Variants in MGAT4D observed in about 807,000 individuals in gnomAD.
The protein encoded by MGAT4D is MGAT4 family member D, also known as alpha-1,3-mannosyl-glycoprotein 4-beta-N-acetylglucosaminyltransferase-like protein MGAT4D.
MGAT4D carries 34 observed loss-of-function variants against 15.9 expected under a neutral mutation model. That is an observed-to-expected ratio of 2.14 (90% CI 1.62 to 2.84). MGAT4D has a LOEUF of 2.84. MGAT4D is among the 30% of genes most tolerant of loss of function. MGAT4D has a pLI of 0.00. For synonymous variants in MGAT4D, 112 were observed against 48.2 expected (o/e 2.33, Z -5.49); for missense variants, 327 against 140.2 (o/e 2.33, Z -6.73).
At chr4:140,474,661 T>C (rs1732194709) in intron 4 of MGAT4D, among the ~76,000 whole-genome samples, 152 bp downstream of exon 4, 1 of 152,240 alleles carries the variant, frequency 6.6e-6, no homozygotes, top group Non-Finnish European at 1.5e-5. Flanking sequence ...GTATTAAGTA[T>C]GTTGTCTGGT....
chr4:140,465,715 G>A (rs1731489561), intron 5 of MGAT4D, among the ~76,000 whole-genome samples: 1 of 152,142 alleles, frequency 6.6e-6, no homozygotes, highest in Non-Finnish European at 1.5e-5. Flanking sequence ...AAAGGTTCAA[G>A]GAAATGTTTA....
intron 1 of MGAT4D, among the ~76,000 whole-genome samples, chr4:140,495,130 T>G (rs1391984325): frequency 6.6e-6 from 1 of 152,226 alleles, no homozygotes; most frequent in Non-Finnish European, 1.5e-5. Flanking sequence ...ATTGGCCTCC[T>G]GGCTGTTTCT....
chr4:140,488,961 T>C (rs1171180957), intron 1 of MGAT4D, among the ~76,000 whole-genome samples: 1 of 152,158 alleles, frequency 6.6e-6, no homozygotes, highest in African/African-American at 2.4e-5. Context: ...AAGCCAAGCA[T>C]ATGTCAGCAC....
At chr4:140,462,107 C>G (rs1731227687) in intron 6 of MGAT4D, 103 bp from the exon 7 acceptor site, 1 of 559,160 alleles carries the variant, frequency 1.8e-6, no homozygotes, top group East Asian at 2.8e-5. Context: ...ACTAACAGTA[C>G]TAGCTACAAT....
chr4:140,474,275 C>G (rs890243543), intron 4 of MGAT4D, among the ~76,000 whole-genome samples: 1 of 152,096 alleles, frequency 6.6e-6, no homozygotes, highest in African/African-American at 2.4e-5. Flanking sequence ...AGATCTAGGT[C>G]CATTATCCCT....
intron 3 of MGAT4D, 21 bp downstream of exon 3, chr4:140,479,469 T>C: frequency 2.2e-6 from 1 of 456,488 alleles, no homozygotes; most frequent in Non-Finnish European, 3.9e-6. Flanking sequence ...TATTTAATTT[T>C]CCAATTCTAA....
intron 10 of MGAT4D, among the ~76,000 whole-genome samples, chr4:140,445,113 G>T (rs983464259): frequency 2.6e-4 from 40 of 152,036 alleles, no homozygotes; most frequent in Admixed American, 2.6e-4. Flanking sequence ...TCGAACTCCT[G>T]ACCTCAGGTG....
chr4:140,496,264 C>G (rs936615834), intron 1 of MGAT4D, among the ~76,000 whole-genome samples: 1 of 151,928 alleles, frequency 6.6e-6, no homozygotes, highest in Non-Finnish European at 1.5e-5. Context: ...GATTGATATC[C>G]TAATTATTTT....
intron 8 of MGAT4D, chr4:140,459,223 G>A (rs1310723533): frequency 5.9e-6 from 1 of 170,296 alleles, no homozygotes; most frequent in Non-Finnish European, 1.2e-5. Context: ...CAGCTAACAT[G>A]TGTGCCAGAC....
intron 5 of MGAT4D, among the ~76,000 whole-genome samples, chr4:140,470,714 T>G (rs6818155): frequency 0.086 from 13,038 of 152,230 alleles, 563 homozygotes; most frequent in South Asian, 0.11. Context: ...CCTGTCTGCC[T>G]GAAGAATGTC....
intron 9 of MGAT4D, among the ~76,000 whole-genome samples, chr4:140,452,823 G>A (rs1730556132): frequency 6.6e-6 from 1 of 151,910 alleles, no homozygotes; most frequent in Non-Finnish European, 1.5e-5. Context: ...ATTTCACCCA[G>A]CCCTAGGTCC....
At chr4:140,494,467 C>T (rs941558310) in intron 1 of MGAT4D, among the ~76,000 whole-genome samples, 3 of 152,186 alleles carry the variant, frequency 2.0e-5, no homozygotes, top group Admixed American at 1.3e-4. Flanking sequence ...TCCTTTTGTT[C>T]ACTCCCTAGG....
intron 7 of MGAT4D, among the ~76,000 whole-genome samples, chr4:140,461,662 G>T (rs1578658923): frequency 6.6e-6 from 1 of 151,926 alleles, no homozygotes; most frequent in South Asian, 2.1e-4. Context: ...GTTTGCTTCA[G>T]GTAACTATAA....
rs905341517 is a variant in MGAT4D at position 140,456,618 on chromosome 4, C to T, written c.979G>A (p.Val327Ile). The change falls in exon 9 of 11, where the codon GTA becomes ATA. Residue 327 changes from valine to isoleucine, a missense_variant. Coordinates refer to ENST00000511113, the MANE Select transcript of MGAT4D (RefSeq NM_001277353.2). ...IDWLLNDIFQ[V>I]KVCDAGEDLR... The stretch of plus-strand genomic sequence containing the variant: ...TCTTCTCCTGCGTCACACACCTTTA[C>T]CTGAAAAATGTCATTCAAGAGCCAG... 1.0e-5 allele frequency: 7 copies of T among 693,278 alleles called. No individual in the cohort carries two copies. The highest frequency in any genetic ancestry group is 2.3e-4 in the Middle Eastern group (1 of 4,352). 42.9% of individuals were successfully genotyped at this position (693,278 alleles called of 1,614,324 possible).
rs570216788 is a variant in MGAT4D, at chr4:140,496,833, G to A, written c.94+1296C>T. On this transcript the variant is annotated intron_variant, in intron 1 of 10. Coordinates refer to ENST00000511113, the MANE Select transcript of MGAT4D (RefSeq NM_001277353.2). ...CCTGGGCAACAAGAGTGAAAACTCT[G>A]TCTTAAAAAAAAAATTACTATAAAA... Among the ~76,000 whole-genome samples, 295 of 146,074 alleles carry A rather than the reference G, an allele frequency of 2.0e-3. 4 individuals carry two copies. Among genetic ancestry groups the A allele is most frequent in the Non-Finnish European group, 2.6e-3 (171 of 66,430 alleles).
intron 7 of MGAT4D, 52 bp downstream of exon 7, chr4:140,461,877 G>GTA (rs1195944013): frequency 3.0e-5 from 13 of 434,496 alleles, no homozygotes; most frequent in Non-Finnish European, 4.1e-5. Flanking sequence ...TATAATTGGT[G>GTA]TATACACACA....
intron 10 of MGAT4D, among the ~76,000 whole-genome samples, chr4:140,444,936 C>T (rs1560758714): frequency 6.6e-6 from 1 of 151,244 alleles, no homozygotes; most frequent in Non-Finnish European, 1.5e-5. Context: ...GGCTGGAGTG[C>T]AATGGTGCGA....
intron 10 of MGAT4D, among the ~76,000 whole-genome samples, chr4:140,449,041 A>G (rs1730301931): frequency 6.6e-6 from 1 of 152,268 alleles, no homozygotes; most frequent in Admixed American, 6.5e-5. Context: ...GTACATTTAA[A>G]TAATTGGCCC....
chr4:140,493,287 C>CTT (rs551838799), intron 1 of MGAT4D, among the ~76,000 whole-genome samples: 15 of 112,476 alleles, frequency 1.3e-4, no homozygotes, highest in East Asian at 5.0e-4. Flanking sequence ...TGTTCCTTTA[C>CTT]TTTTTTTTTT....
Sources: allele counts gnomAD v4.1 joint callset (sites outside exome capture counted in the v4.1 genomes callset), GRCh38; gene constraint gnomAD v4.1.1; transcripts MANE v1.5; gene names NCBI Gene and HGNC (gene_info 2026-07-23, HGNC 2026-07-21).